ZNF138: variants seen among roughly 807,000 people sequenced by gnomAD.
The protein encoded by ZNF138 is zinc finger protein 138.
Under a neutral mutation model 33.0 loss-of-function variants are expected in ZNF138, and 33 were observed. The observed-to-expected ratio is 1.00, with a 90% CI of 0.76 to 1.34. The LOEUF (loss-of-function observed/expected upper bound fraction) is 1.34, where lower values mean the gene tolerates loss of function less well. Among genes scored for constraint, ZNF138 ranks in the 40% most tolerant of loss-of-function variants. The pLI is 0.00. For missense variants in ZNF138, 360 were observed against 370.8 expected (o/e 0.97, Z 0.24); for synonymous variants, 139 against 120.4 (o/e 1.15, Z -1.01).
intron 1 of ZNF138, among the ~76,000 whole-genome samples, chr7:64,800,313 G>A (rs2863927): frequency 0.63 from 95,203 of 151,962 alleles, 30,290 homozygotes; most frequent in African/African-American, 0.71. Flanking sequence ...CATTCAGTAC[G>A]TTGGTTGTGG....
At chr7:64,841,525 G>C in the ZNF138 span, among the ~76,000 whole-genome samples, 1 of 152,178 alleles carries the variant, frequency 6.6e-6, no homozygotes, top group Non-Finnish European at 1.5e-5. Flanking sequence ...AATATCAATA[G>C]TGAAGAAATA....
At chr7:64,858,636 CCAAAA>C in the ZNF138 span, among the ~76,000 whole-genome samples, 1 of 152,064 alleles carries the variant, frequency 6.6e-6, no homozygotes, top group Non-Finnish European at 1.5e-5. Context: ...TTATGTTTGG[CCAAAA>C]TCTTTTTCAC....
At chr7:64,818,907 G>A (rs1037233610) in intron 3 of ZNF138, among the ~76,000 whole-genome samples, 6 of 152,062 alleles carry the variant, frequency 3.9e-5, no homozygotes, top group African/African-American at 1.4e-4. Context: ...GCAGTTATCT[G>A]GACAAATTCT....
chr7:64,815,600 G>C lies in ZNF138; in HGVS notation c.155G>C (p.Gly52Ala), dbSNP rs1788557551. 1 of 1,612,640 alleles carries C rather than the reference G, an allele frequency of 6.2e-7. No homozygotes were observed. The highest frequency in any genetic ancestry group is 8.5e-7 in the Non-Finnish European group (1 of 1,179,374). ...GACCTGATTACCTGTCTGGAACAAG[G>C]AAAAGAGCCCTGGAATATGAAGAGA... The part of the protein sequence containing the change: ...FLDLITCLEQ[G>A]KEPWNMKRHE... The change falls in exon 3 of 4, where the codon GGA becomes GCA. Residue 52 changes from glycine (G) to alanine (A), a missense_variant. By Grantham distance (60) the Gly-to-Ala change is moderately conservative. Transcript: ENST00000307355.
intron 1 of ZNF138, among the ~76,000 whole-genome samples, chr7:64,799,993 G>T (rs1358783277): frequency 1.3e-5 from 2 of 152,170 alleles, no homozygotes; most frequent in African/African-American, 4.8e-5. Context: ...TGCTGCTGAT[G>T]TACAGGGATC....
chr7:64,858,083 C>T, the ZNF138 span, among the ~76,000 whole-genome samples: 149,857 of 152,356 alleles, frequency 0.98, 73,759 homozygotes, highest in East Asian at 1. Context: ...AAATATTACC[C>T]GAGCTCCATA....
chr7:64,837,258 C>T (rs943359053), downstream of ZNF138, among the ~76,000 whole-genome samples: 5 of 152,004 alleles, frequency 3.3e-5, no homozygotes, highest in African/African-American at 9.7e-5. Flanking sequence ...TAGCTGCCGT[C>T]GGTGTTGTAA....
In ZNF138 at chr7:64,821,288, A is replaced by G. The variant is rs890733273; in HGVS notation, c.208+5635A>G. 6.6e-5 allele frequency among the ~76,000 whole-genome samples: 10 copies of G among 150,790 alleles called. 1 individual carries two copies. The highest frequency in any genetic ancestry group is 2.2e-4 in the African/African-American group (9 of 40,364). On this transcript the variant is annotated intron_variant, in intron 3 of 3. Coordinates refer to ENST00000307355, the MANE Select transcript of ZNF138 (RefSeq NM_001271639.2). ...GTATTTTTAATAGAGACGGAGTTTC[A>G]CTGTGTTAGCTAGGATGGTCTTGAT...
chr7:64,809,746 C>T (rs988490296), intron 1 of ZNF138, among the ~76,000 whole-genome samples: 6 of 143,956 alleles, frequency 4.2e-5, no homozygotes, highest in South Asian at 4.7e-4. Context: ...TCAGACGGGG[C>T]GGCCGGGCAG....
intron 3 of ZNF138, among the ~76,000 whole-genome samples, chr7:64,823,086 G>A (rs7786441): frequency 0.99 from 149,783 of 151,980 alleles, 73,848 homozygotes; most frequent in East Asian, 1. Context: ...CTCCATGTTG[G>A]TCAGGCTGGT....
chr7:64,845,869 T>C, the ZNF138 span, among the ~76,000 whole-genome samples: 17 of 152,074 alleles, frequency 1.1e-4, no homozygotes, highest in South Asian at 2.1e-4. Flanking sequence ...CCACTCTGGG[T>C]TTTTGTTTAT....
the ZNF138 span, among the ~76,000 whole-genome samples, chr7:64,848,399 C>T: frequency 6.6e-6 from 1 of 151,866 alleles, no homozygotes; most frequent in African/African-American, 2.4e-5. Flanking sequence ...ACCTTGTCTT[C>T]GAGCTCTGAA....
At chr7:64,822,044 G>A (rs1358193933) in intron 3 of ZNF138, among the ~76,000 whole-genome samples, 1 of 148,206 alleles carries the variant, frequency 6.7e-6, no homozygotes, top group African/African-American at 2.5e-5. Flanking sequence ...TCTGCCTCCC[G>A]AGTAGCTGGG....
intron 3 of ZNF138, among the ~76,000 whole-genome samples, chr7:64,821,706 C>G (rs1026018987): frequency 6.0e-5 from 9 of 151,022 alleles, no homozygotes; most frequent in Non-Finnish European, 1.3e-4. Context: ...GCCACCACGC[C>G]TGGCTAATTT....
the ZNF138 span, among the ~76,000 whole-genome samples, chr7:64,843,734 T>C: frequency 4.6e-5 from 7 of 152,308 alleles, no homozygotes; most frequent in Middle Eastern, 3.4e-3. Context: ...TTGTTGATTG[T>C]ATCAGATTCC....
chr7:64,851,060 G>C, the ZNF138 span, among the ~76,000 whole-genome samples: 366 of 152,254 alleles, frequency 2.4e-3, 5 homozygotes, highest in African/African-American at 8.5e-3. Context: ...ATTTTGTCGA[G>C]TTAAATAACA....
At chr7:64,809,773 C>G (rs1787978401) in intron 1 of ZNF138, among the ~76,000 whole-genome samples, 1 of 142,340 alleles carries the variant, frequency 7.0e-6, no homozygotes, top group Non-Finnish European at 1.5e-5. Flanking sequence ...TCCTCACCTC[C>G]CAGACGGGGT....
At chr7:64,852,024 C>T in the ZNF138 span, among the ~76,000 whole-genome samples, 5,116 of 152,292 alleles carry the variant, frequency 0.034, 291 homozygotes, top group African/African-American at 0.11. Flanking sequence ...AATAAATATA[C>T]ATAAAATGAA....
At position 64,831,894 on chromosome 7, in the gene ZNF138, A is replaced by T. The variant is rs200050750; in HGVS notation, c.652A>T (p.Thr218Ser). 4.5e-5 allele frequency: 72 copies of T among 1,613,832 alleles called. No individual in the cohort carries two copies. The highest frequency in any genetic ancestry group is 5.3e-5 in the Non-Finnish European group (62 of 1,179,908). Residue 218 changes from threonine (T) to serine (S), a missense_variant, in exon 4 of 4, where the codon ACT becomes TCT. Transcript: ENST00000307355. ...CCTTTCTAAACCTAAGAAAATTCAT[A>T]CTGGAGAAAAACCCTACAAATGTGA... The part of the protein sequence containing the change: ...TNLSKPKKIH[T>S]GEKPYKCEVC...
Sources: allele counts gnomAD v4.1 joint callset (sites outside exome capture counted in the v4.1 genomes callset), GRCh38; gene constraint gnomAD v4.1.1; transcripts MANE v1.5; gene names NCBI Gene and HGNC (gene_info 2026-07-23, HGNC 2026-07-21).